DNAH11: variants seen among roughly 807,000 people sequenced by gnomAD.
The protein encoded by DNAH11 is dynein axonemal heavy chain 11, also known as axonemal beta dynein heavy chain 11.
Under a neutral mutation model 526.0 loss-of-function variants are expected in DNAH11, and 442 were observed. The ratio of observed to expected loss-of-function variants is 0.84; its 90% confidence interval spans 0.78 to 0.91. The LOEUF (loss-of-function observed/expected upper bound fraction) is 0.91, where lower values mean the gene tolerates loss of function less well. Ranked by LOEUF, DNAH11 falls within the 40% of genes least tolerant of loss-of-function variation. The pLI, the probability that DNAH11 is intolerant of heterozygous loss-of-function variation, is 0.00. For missense variants in DNAH11, 6,989 were observed against 5,448.7 expected, an observed-to-expected ratio of 1.28 and a Z score of -8.90; for synonymous variants, 2,461 against 1,935.9, an observed-to-expected ratio of 1.27 and a Z score of -7.12.
At chr7:21,726,031 C>G in intron 45 of DNAH11, 47 bp downstream of exon 45, 2 of 1,453,272 alleles carry the variant, frequency 1.4e-6, no homozygotes, top group Non-Finnish European at 1.8e-6. Flanking sequence ...TTTCATATTG[C>G]TATAAAAAAT....
chr7:21,543,080 G>C lies in DNAH11; in HGVS notation c.-166G>C. ...TCGGCCTGCGAGGCTACAGCTGTGC[G>C]CAGTGGCGCGGCTGCTAAGTAGCAG... On this transcript the variant is annotated 5_prime_UTR_variant, in exon 1 of 82. Transcript: ENST00000409508. 7.3e-7 allele frequency: 1 copy of C among 1,379,286 alleles called. No homozygotes were observed. Among genetic ancestry groups the C allele is most frequent in the East Asian group, 2.7e-5 (1 of 37,680 alleles). The allele number at this position is 1,379,286 out of a possible 1,614,324, so 85.4% of individuals were successfully genotyped here.
intron 20 of DNAH11, among the ~76,000 whole-genome samples, chr7:21,611,277 C>T (rs1375941130): frequency 6.6e-6 from 1 of 152,142 alleles, no homozygotes; most frequent in Admixed American, 6.5e-5. Flanking sequence ...CCTGCAGCCT[C>T]CCACCCTCAG....
intron 2 of DNAH11, among the ~76,000 whole-genome samples, chr7:21,545,443 T>C (rs906904620): frequency 2.0e-5 from 3 of 152,092 alleles, no homozygotes; most frequent in Admixed American, 6.5e-5. Flanking sequence ...TCCAACACAA[T>C]AGAAGCAAAT....
chr7:21,751,735 A>T (rs1474665962), intron 54 of DNAH11, among the ~76,000 whole-genome samples: 1 of 152,182 alleles, frequency 6.6e-6, no homozygotes, highest in Non-Finnish European at 1.5e-5. Context: ...TGCTATTTCA[A>T]GTTTCACGTT....
At chr7:21,703,908 A>AT (rs1784157606) in intron 37 of DNAH11, 1 of 151,508 alleles carries the variant, frequency 6.6e-6, no homozygotes, top group Non-Finnish European at 1.5e-5. Context: ...TCTTTCATTT[A>AT]TTTTTTCTCT....
rs545063714 is a variant in DNAH11 at position 21,890,405 on chromosome 7, A to T, written c.12508-2020A>T. Among the ~76,000 whole-genome samples, 4 of 152,318 alleles carry T rather than the reference A, an allele frequency of 2.6e-5. No individual in the cohort carries two copies. In the East Asian group the frequency reaches 5.8e-4, roughly 22 times the overall value. ...AGTACATGAGCACGCATTCAAACAA[A>T]TGTCCCCATGGCAGCTTAACCTTTC... On this transcript the variant is annotated intron_variant, in intron 76 of 81. Transcript: ENST00000409508.
rs1784446266 is a variant in DNAH11 at position 21,894,717 on chromosome 7, T to G, written c.12845T>G (p.Val4282Gly). 5 of 1,613,796 alleles carry G rather than the reference T, an allele frequency of 3.1e-6. No individual in the cohort carries two copies. Among genetic ancestry groups the G allele is most frequent in the Non-Finnish European group, 4.2e-6 (5 of 1,179,828 alleles). ...AAAAATTCAAATAGAAGCCCATATGTTCTTGTTTGCTTCCAAGAATGTGAG... is the reference window on the plus strand; with the variant it reads ...AAAAATTCAAATAGAAGCCCATATGGTCTTGTTTGCTTCCAAGAATGTGAG... Reference protein sequence around the residue: ...MQKNSNRSPYVLVCFQECERM... With the variant: ...MQKNSNRSPYGLVCFQECERM... Residue 4282 changes from valine to glycine, a missense_variant, in exon 78 of 82, where the codon GTT becomes GGT. Val to Gly is a moderately radical substitution (Grantham distance 109). Coordinates refer to ENST00000409508, the MANE Select transcript of DNAH11 (RefSeq NM_001277115.2).
chr7:21,802,854 A>G (rs1789056368), intron 62 of DNAH11, among the ~76,000 whole-genome samples: 2 of 151,752 alleles, frequency 1.3e-5, no homozygotes, highest in Non-Finnish European at 2.9e-5. Context: ...GGGTTTGGGG[A>G]GTGACTACTA....
chr7:21,885,380 T>C (rs1008412849), intron 76 of DNAH11, among the ~76,000 whole-genome samples: 2 of 151,098 alleles, frequency 1.3e-5, no homozygotes, highest in Admixed American at 1.3e-4. Flanking sequence ...CAAATACATG[T>C]TCTCACACAC....
At chr7:21,889,472 C>G (rs1036476575) in intron 76 of DNAH11, among the ~76,000 whole-genome samples, 3 of 152,214 alleles carry the variant, frequency 2.0e-5, no homozygotes, top group African/African-American at 7.2e-5. Flanking sequence ...TACCACCAAA[C>G]TGTTTTTTAA....
At chr7:21,734,740 C>G (rs1583641495) in intron 45 of DNAH11, among the ~76,000 whole-genome samples, 2 of 152,092 alleles carry the variant, frequency 1.3e-5, no homozygotes, top group Admixed American at 6.5e-5. Flanking sequence ...TGCCTGTAGT[C>G]TCAGCTACTT....
chr7:21,720,893 T>G, intron 44 of DNAH11, 37 bp downstream of exon 44: 2 of 1,602,102 alleles, frequency 1.2e-6, no homozygotes, highest in South Asian at 2.2e-5. Context: ...CAGTTTCCAG[T>G]TTTGTGTGGG....
At chr7:21,610,505 C>T (rs1259748790) in intron 20 of DNAH11, among the ~76,000 whole-genome samples, 1 of 151,852 alleles carries the variant, frequency 6.6e-6, no homozygotes, top group East Asian at 1.9e-4. Flanking sequence ...TATGAGTACA[C>T]AATAAAACAA....
intron 46 of DNAH11, among the ~76,000 whole-genome samples, chr7:21,738,030 G>C (rs1325365268): frequency 6.6e-6 from 1 of 152,092 alleles, no homozygotes; most frequent in Non-Finnish European, 1.5e-5. Flanking sequence ...CAATGAATAT[G>C]ACATAGTTCC....
chr7:21,685,188 C>T (rs1180318555), intron 32 of DNAH11, among the ~76,000 whole-genome samples: 2 of 152,176 alleles, frequency 1.3e-5, no homozygotes, highest in African/African-American at 4.8e-5. Flanking sequence ...TTATGCATTG[C>T]TTTCAGTGAG....
intron 28 of DNAH11, among the ~76,000 whole-genome samples, chr7:21,649,792 A>T (rs1787544685): frequency 6.6e-6 from 1 of 151,768 alleles, no homozygotes; most frequent in African/African-American, 2.4e-5. Flanking sequence ...CAGCCACCTG[A>T]GTAGCTGGGA....
chr7:21,655,173 C>A (rs1278738506), intron 28 of DNAH11, among the ~76,000 whole-genome samples: 2 of 151,900 alleles, frequency 1.3e-5, no homozygotes, highest in Non-Finnish European at 2.9e-5. Context: ...GTTATGACAC[C>A]AGAAGAACTT....
chr7:21,588,021 A>G, intron 9 of DNAH11, 43 bp from the exon 10 acceptor site: 1 of 1,596,314 alleles, frequency 6.3e-7, no homozygotes, highest in Non-Finnish European at 8.5e-7. Flanking sequence ...TATTTGTTAA[A>G]AACTCATAGT....
intron 25 of DNAH11, among the ~76,000 whole-genome samples, chr7:21,630,764 C>T (rs749760474): frequency 6.6e-6 from 1 of 151,988 alleles, no homozygotes; most frequent in Non-Finnish European, 1.5e-5. Flanking sequence ...GTGTCCTTGA[C>T]CTTTGAGAAT....
Sources: allele counts gnomAD v4.1 joint callset (sites outside exome capture counted in the v4.1 genomes callset), GRCh38; gene constraint gnomAD v4.1.1; transcripts MANE v1.5; gene names NCBI Gene and HGNC (gene_info 2026-07-23, HGNC 2026-07-21).